The following IFT172 variants were observed in gnomAD, a reference collection of about 807,000 sequenced individuals.
The protein encoded by IFT172 is intraflagellar transport 172, also known as intraflagellar transport protein 172 homolog.
Under a neutral mutation model 248.9 loss-of-function variants are expected in IFT172, and 164 were observed. That is an observed-to-expected ratio of 0.66 (90% CI 0.58 to 0.75). The LOEUF (loss-of-function observed/expected upper bound fraction) is 0.75. Among genes scored for constraint, IFT172 ranks in the 30% least tolerant of loss-of-function variants. The pLI is 0.00. For missense variants in IFT172, 1,950 were observed against 2,192.4 expected (o/e 0.89, Z 2.21); for synonymous variants, 729 against 791.6 (o/e 0.92, Z 1.33).
chr2:27,467,639 A>G (rs11679129), intron 16 of IFT172, among the ~76,000 whole-genome samples: 5 of 149,582 alleles, frequency 3.3e-5, no homozygotes, highest in African/African-American at 1.2e-4. Flanking sequence ...AAAAAAAAGG[A>G]AATTATCCAG....
At position 27,446,340 on chromosome 2, in the gene IFT172, T is replaced by G. The variant is rs753891390; in HGVS notation, c.4675A>C (p.Arg1559=). The part of the protein sequence containing the change: ...SVKQLETVAA[R]LSVSLLRHTQ... ...TGACGCAAGAGTGAAACAGAAAGCC[T>G]GGCAGCCACGGTTTCCTGGGATTAA... The change falls in exon 43 of 48, where the codon AGG becomes CGG. Residue 1559 remains arginine (R), a synonymous_variant. Transcript: ENST00000260570. 6.2e-7 allele frequency: 1 copy of G among 1,614,240 alleles called. No individual in the cohort carries two copies. The highest frequency in any genetic ancestry group is 1.1e-5 in the South Asian group (1 of 91,092).
Position 27,481,029 on chromosome 2 carries a change from C to A in IFT172, c.785+17G>T, listed in dbSNP as rs1350904491. ...CAGGGAAAGTAGGCAGTAGATAAAA[C>A]TGGAAAGGGGACTTACCTGTCATAA... On this transcript the variant is annotated intron_variant, in intron 8 of 47. Transcript: ENST00000260570. 1 of 1,602,926 alleles carries A rather than the reference C, an allele frequency of 6.2e-7. No homozygotes were observed. Among genetic ancestry groups the A allele is most frequent in the South Asian group, 1.1e-5 (1 of 90,832 alleles).
In IFT172 at chr2:27,444,449, T is replaced by A; in HGVS notation, c.5233A>T (p.Ser1745Cys). The A allele has an allele frequency of 6.2e-7, 1 of 1,612,924 alleles. No individual in the cohort carries two copies. Among genetic ancestry groups the A allele is most frequent in the South Asian group, 1.1e-5 (1 of 90,792 alleles). Residue 1745 changes from serine (S) to cysteine (C), a missense_variant, in exon 48 of 48, where the codon AGC (serine) becomes TGC (cysteine). Around this residue, in one of 3 missense-constraint regions of IFT172, gnomAD observed 620 missense variants for 699.0 expected, o/e 0.89. Coordinates refer to ENST00000260570, the MANE Select transcript of IFT172 (RefSeq NM_015662.3). ...SQWCGGLPSTSFSFQ is the reference protein window; with the variant it reads ...SQWCGGLPSTCFSFQ Reference sequence around the variant, plus strand: ...TCTACCAACTACTGAAAGGAAAAGCTGGTGCTGGGGAGCCCTCCACACCAC... The same window carrying A: ...TCTACCAACTACTGAAAGGAAAAGCAGGTGCTGGGGAGCCCTCCACACCAC...
chr2:27,469,119 C>T lies in IFT172; in HGVS notation c.1692+1809G>A, dbSNP rs190398104. On this transcript the variant is annotated intron_variant, in intron 16 of 47. Coordinates refer to ENST00000260570, the MANE Select transcript of IFT172 (RefSeq NM_015662.3). ...AAAGAAATTTCTAAATAAGGCTGGG[C>T]GCAGTGGCTCATGTCTGTAATCCCA... Among the ~76,000 whole-genome samples, 8 of 152,212 alleles carry T rather than the reference C, an allele frequency of 5.3e-5. No individual in the cohort carries two copies. In the South Asian group the frequency reaches 6.2e-4, roughly 12 times the overall value.
Position 27,462,771 on chromosome 2 carries a change from TAA to T in IFT172, c.2043_2044del (p.Phe681LeufsTer18), listed in dbSNP as rs773189869. The T allele has an allele frequency of 6.2e-7, 1 of 1,614,158 alleles. No homozygotes were observed. The highest frequency in any genetic ancestry group is 1.1e-5 in the South Asian group (1 of 91,084). On this transcript the variant is annotated frameshift_variant, in exon 20 of 48. Coordinates refer to ENST00000260570, the MANE Select transcript of IFT172 (RefSeq NM_015662.3). LOFTEE classifies it high-confidence loss of function. ...CATGGCTAGACGTGCTCGGACCTGATAAAAGTCTGTTCCTTCTCCGCCCTGTG... is the reference window on the plus strand; with the variant it reads ...CATGGCTAGACGTGCTCGGACCTGATAAGTCTGTTCCTTCTCCGCCCTGTG...
Position 27,476,660 on chromosome 2 carries a change from A to G in IFT172, c.1392T>C (p.Asp464=). Residue 464 remains aspartate, a synonymous_variant, in exon 14 of 48, where the codon GAT becomes GAC. Coordinates refer to ENST00000260570, the MANE Select transcript of IFT172 (RefSeq NM_015662.3). The part of the protein sequence containing the change: ...EDNKKLAYLI[D]IKTIAIVDLI... Reference sequence around the variant, plus strand: ...ACTCACCTATAGCAATAGTCTTAATATCAATAAGATAAGCCAATTTCTTAT... The same window carrying G: ...ACTCACCTATAGCAATAGTCTTAATGTCAATAAGATAAGCCAATTTCTTAT... 3 of 1,592,602 alleles carry G rather than the reference A, an allele frequency of 1.9e-6. No individual in the cohort carries two copies. The highest frequency in any genetic ancestry group is 2.6e-6 in the Non-Finnish European group (3 of 1,160,610).
rs1425161457 is a variant in IFT172, at chr2:27,453,108, A to C, written c.3951+276T>G. ...TCACTGTTCTCTGAACTCTACTTTAAATCATGCACTTTAGTCTTTACTCAG... is the reference window on the plus strand; with the variant it reads ...TCACTGTTCTCTGAACTCTACTTTACATCATGCACTTTAGTCTTTACTCAG... On this transcript the variant is annotated intron_variant, in intron 35 of 47. Coordinates refer to ENST00000260570, the MANE Select transcript of IFT172 (RefSeq NM_015662.3). 4 of 532,148 alleles carry C rather than the reference A, an allele frequency of 7.5e-6. No homozygotes were observed. In the East Asian group the frequency reaches 1.8e-4, roughly 24 times the overall value. The allele number at this position is 532,148 out of a possible 1,614,324, so 33.0% of individuals were successfully genotyped here.
intron 1 of IFT172, among the ~76,000 whole-genome samples, chr2:27,487,724 C>G (rs1433754607): frequency 6.6e-6 from 1 of 151,770 alleles, no homozygotes; most frequent in Non-Finnish European, 1.5e-5. Context: ...TCCCGAGTAG[C>G]TGGGATTACA....
At chr2:27,453,898 C>G (rs1369506100) in intron 33 of IFT172, 84 bp downstream of exon 33, 51 of 1,463,012 alleles carry the variant, frequency 3.5e-5, no homozygotes, top group Non-Finnish European at 4.1e-5. Context: ...CCTGATCTTT[C>G]TTCATACCAG....
rs777173046 is a variant in IFT172 at position 27,463,122 on chromosome 2, A to G, written c.1997T>C (p.Ile666Thr). The part of the protein sequence containing the change: ...KARFLHETNE[I>T]ADQVSREYGG... The stretch of plus-strand genomic sequence containing the variant: ...ATATTCCCGGGATACTTGATCTGCA[A>G]TCTCATTGGTCTCATGCAGGAATCG... The change falls in exon 19 of 48, where the codon ATT (isoleucine) becomes ACT (threonine). Residue 666 changes from isoleucine (I) to threonine (T), a missense_variant. By Grantham distance (89) the Ile-to-Thr change is moderately conservative. Coordinates refer to ENST00000260570, the MANE Select transcript of IFT172 (RefSeq NM_015662.3). 1.5e-5 allele frequency: 25 copies of G among 1,614,092 alleles called. No individual in the cohort carries two copies. Among genetic ancestry groups the G allele is most frequent in the East Asian group, 1.3e-4 (6 of 44,902 alleles).
rs753018358 is a variant in IFT172, at chr2:27,478,169, C to G, written c.1006-13G>C. 2.3e-5 allele frequency: 37 copies of G among 1,613,894 alleles called. No homozygotes were observed. Among genetic ancestry groups the G allele is most frequent in the Non-Finnish European group, 2.5e-5 (29 of 1,179,940 alleles). On this transcript the variant is annotated splice_polypyrimidine_tract_variant and intron_variant, in intron 10 of 47. Coordinates refer to ENST00000260570, the MANE Select transcript of IFT172 (RefSeq NM_015662.3). The stretch of plus-strand genomic sequence containing the variant: ...TCTTCACAATCACCTTGGTAAAGGA[C>G]AAGTGTGAGCCCCTTAGGCTTCCCC...
At chr2:27,461,938 C>A in intron 20 of IFT172, 102 bp from the exon 21 acceptor site, 2 of 1,239,302 alleles carry the variant, frequency 1.6e-6, no homozygotes, top group Non-Finnish European at 2.3e-6. Context: ...CCATGAGGAC[C>A]AAAAGCCTTT....
intron 14 of IFT172, among the ~76,000 whole-genome samples, chr2:27,473,390 G>GAAAATGAT (rs1468013857): frequency 2.1e-5 from 3 of 145,464 alleles, no homozygotes; most frequent in Non-Finnish European, 4.5e-5. Flanking sequence ...AAAAAAAAAG[G>GAAAATGAT]AAAATGATAA....
At chr2:27,456,788 T>C in intron 29 of IFT172, 135 bp from the exon 30 acceptor site, 5 of 1,287,830 alleles carry the variant, frequency 3.9e-6, no homozygotes, top group Non-Finnish European at 5.2e-6. Context: ...CTCATACCTA[T>C]AATCCCAGCA....
Position 27,483,622 on chromosome 2 carries a change from G to GT in IFT172, c.439dup (p.Thr147AsnfsTer32). ...CACGTAAGACTCTGTCCCATAGATG[G>GT]TAGATGATTTATTAGTTTTGGTGTT... On this transcript the variant is annotated frameshift_variant, in exon 6 of 48. Coordinates refer to ENST00000260570, the MANE Select transcript of IFT172 (RefSeq NM_015662.3). LOFTEE classifies it high-confidence loss of function. 6.2e-7 allele frequency: 1 copy of GT among 1,614,144 alleles called. No homozygotes were observed. Among genetic ancestry groups the GT allele is most frequent in the Non-Finnish European group, 8.5e-7 (1 of 1,180,032 alleles).
intron 29 of IFT172, among the ~76,000 whole-genome samples, 191 bp downstream of exon 29, chr2:27,457,448 A>C (rs776844813): frequency 7.2e-4 from 110 of 152,194 alleles, no homozygotes; most frequent in Admixed American, 1.8e-3. Flanking sequence ...GTGCACACCT[A>C]TAGTCCCAGC....
chr2:27,458,687 A>T, intron 26 of IFT172, 92 bp downstream of exon 26: 6 of 1,425,028 alleles, frequency 4.2e-6, no homozygotes, highest in Non-Finnish European at 5.8e-6. Context: ...GCTTTCAGGG[A>T]GCCAAGCGAA....
intron 16 of IFT172, among the ~76,000 whole-genome samples, chr2:27,470,443 C>G (rs1667476839): frequency 6.6e-6 from 1 of 152,164 alleles, no homozygotes. Flanking sequence ...GCGCTCTACC[C>G]ATACACACAC....
chr2:27,449,413 A>G (rs1453839014), intron 38 of IFT172, 33 bp from the exon 39 acceptor site: 1 of 1,614,102 alleles, frequency 6.2e-7, no homozygotes, highest in African/African-American at 1.3e-5. Flanking sequence ...TACAAGAGAA[A>G]AGAGATGACA....
Sources: allele counts gnomAD v4.1 joint callset (sites outside exome capture counted in the v4.1 genomes callset), GRCh38; gene constraint gnomAD v4.1.1; regional missense constraint gnomAD v4.1.1; transcripts MANE v1.5; gene names NCBI Gene and HGNC (gene_info 2026-07-23, HGNC 2026-07-21).